The following PDS5B variants were observed in gnomAD, a reference collection of about 807,000 sequenced individuals.
PDS5B encodes the protein PDS5 cohesin associated factor B, also known as sister chromatid cohesion protein PDS5 homolog B.
PDS5B carries 51 observed loss-of-function variants against 184.1 expected under a neutral mutation model. That is an observed-to-expected ratio of 0.28 (90% CI 0.22 to 0.35). The LOEUF (loss-of-function observed/expected upper bound fraction) is 0.35, where lower values mean the gene tolerates loss of function less well. Ranked by LOEUF, PDS5B falls within the 10% of genes least tolerant of loss-of-function variation. The probability of loss-of-function intolerance (pLI) is 1.00; values close to 1 mark genes in which losing one functional copy is unlikely to be tolerated. For synonymous variants in PDS5B, 566 were observed against 569.2 expected (o/e 0.99, Z 0.08); for missense variants, 1,180 against 1,723.3 (o/e 0.68, Z 5.58).
At chr13:32,741,396 G>A (rs1202069865) in intron 22 of PDS5B, among the ~76,000 whole-genome samples, 4 of 152,118 alleles carry the variant, frequency 2.6e-5, no homozygotes, top group African/African-American at 9.7e-5. Flanking sequence ...ATGGCAAAAG[G>A]CAGTGCTAGT....
At chr13:32,730,558 T>A (rs1400801653) in intron 19 of PDS5B, among the ~76,000 whole-genome samples, 5 of 152,198 alleles carry the variant, frequency 3.3e-5, no homozygotes, top group Admixed American at 2.6e-4. Flanking sequence ...TTTCACGACA[T>A]TGGTTCTTCC....
At chr13:32,619,741 T>C (rs1219044250) in intron 1 of PDS5B, among the ~76,000 whole-genome samples, 1 of 152,220 alleles carries the variant, frequency 6.6e-6, no homozygotes, top group Admixed American at 6.5e-5. Flanking sequence ...ACTGAAACAT[T>C]ACGTGGCCCC....
intron 30 of PDS5B, among the ~76,000 whole-genome samples, chr13:32,761,302 T>C (rs1242093904): frequency 1.3e-5 from 2 of 152,224 alleles, no homozygotes; most frequent in African/African-American, 2.4e-5. Flanking sequence ...ACCACGTACA[T>C]ATATAAACTT....
intron 20 of PDS5B, among the ~76,000 whole-genome samples, chr13:32,733,467 T>C (rs1159469639): frequency 6.6e-6 from 1 of 152,214 alleles, no homozygotes; most frequent in Non-Finnish European, 1.5e-5. Context: ...GTTTATAATA[T>C]GAACAATAGG....
At chr13:32,631,232 T>C (rs1226868764) in intron 1 of PDS5B, among the ~76,000 whole-genome samples, 4 of 149,516 alleles carry the variant, frequency 2.7e-5, no homozygotes, top group South Asian at 2.2e-4. Context: ...TCCTCTCACC[T>C]CAGCCTCCCA....
chr13:32,644,471 A>T (rs144625904), intron 1 of PDS5B, among the ~76,000 whole-genome samples: 2 of 152,296 alleles, frequency 1.3e-5, no homozygotes, highest in African/African-American at 4.8e-5. Context: ...GTTTTTATGT[A>T]TGTAAACATA....
chr13:32,773,306 G>A lies in PDS5B; in HGVS notation c.4290G>A (p.Glu1430=), dbSNP rs367923749. The part of the protein sequence containing the change: ...DDIPQEETEE[E]EVSTVNVRRR... Reference sequence around the variant, plus strand: ...TTCCACAGGAAGAAACAGAGGAGGAGGAAGTTTCTACAGTAAATGTATGTG... The same window carrying A: ...TTCCACAGGAAGAAACAGAGGAGGAAGAAGTTTCTACAGTAAATGTATGTG... Residue 1430 remains glutamate, a synonymous_variant, in exon 34 of 35, where the codon GAG becomes GAA. Coordinates refer to ENST00000315596, the MANE Select transcript of PDS5B (RefSeq NM_015032.4). 1.9e-5 allele frequency: 31 copies of A among 1,612,176 alleles called. No homozygotes were observed. The African/African-American group carries it at 3.6e-4, about 19-fold the overall frequency.
chr13:32,609,409 T>C (rs941403488), intron 1 of PDS5B, among the ~76,000 whole-genome samples: 2 of 152,230 alleles, frequency 1.3e-5, no homozygotes, highest in Admixed American at 1.3e-4. Flanking sequence ...CATCAAGTTA[T>C]GTGCTTGTAG....
intron 1 of PDS5B, among the ~76,000 whole-genome samples, chr13:32,593,872 G>A (rs1172598828): frequency 1.3e-5 from 2 of 152,110 alleles, no homozygotes; most frequent in African/African-American, 2.4e-5. Context: ...GAGGAGGCAG[G>A]AGAGGGAGGC....
At chr13:32,588,052 A>G (rs1412250760) in intron 1 of PDS5B, among the ~76,000 whole-genome samples, 3 of 152,214 alleles carry the variant, frequency 2.0e-5, no homozygotes, top group African/African-American at 7.2e-5. Context: ...AACGTTTTTT[A>G]TATTAACTCA....
At position 32,759,657 on chromosome 13, in the gene PDS5B, T is replaced by A; in HGVS notation, c.3339T>A (p.Pro1113=). ...TCAGTAACACCAAAAATTATCTGCC[T>A]CCTGAAATGAAATCATTTTTCACTC... ...KNFSNTKNYL[P]PEMKSFFTPG... Residue 1113 remains proline (P), a synonymous_variant, in exon 29 of 35, where the codon CCT becomes CCA. Transcript: ENST00000315596. The A allele has an allele frequency of 1.3e-6, 2 of 1,565,914 alleles. No homozygotes were observed. The highest frequency in any genetic ancestry group is 1.7e-6 in the Non-Finnish European group (2 of 1,145,926).
At chr13:32,620,006 C>G (rs1453299738) in intron 1 of PDS5B, among the ~76,000 whole-genome samples, 1 of 152,022 alleles carries the variant, frequency 6.6e-6, no homozygotes, top group African/African-American at 2.4e-5. Context: ...ACTATGTTGG[C>G]CAGGCTGGTT....
intron 24 of PDS5B, among the ~76,000 whole-genome samples, chr13:32,748,265 C>T (rs1301224709): frequency 6.6e-6 from 1 of 152,120 alleles, no homozygotes; most frequent in Non-Finnish European, 1.5e-5. Flanking sequence ...ACTCTCTTAT[C>T]CTGTCTTCTC....
At chr13:32,682,271 A>G (rs1028459614) in intron 10 of PDS5B, among the ~76,000 whole-genome samples, 5 of 152,162 alleles carry the variant, frequency 3.3e-5, no homozygotes, top group Non-Finnish European at 7.4e-5. Flanking sequence ...CATGATGCCA[A>G]AAAGTCCCCC....
chr13:32,661,019 A>G (rs2140708242), intron 6 of PDS5B, among the ~76,000 whole-genome samples: 1 of 152,326 alleles, frequency 6.6e-6, no homozygotes, highest in African/African-American at 2.4e-5. Flanking sequence ...TCTTGAAAGG[A>G]GTAATGATAA....
chr13:32,746,121 A>G (rs1421896310), intron 24 of PDS5B, 21 bp downstream of exon 24: 15 of 1,598,298 alleles, frequency 9.4e-6, no homozygotes, highest in African/African-American at 2.7e-5. Context: ...GGCTGTGTAC[A>G]ACTACTTTTT....
At chr13:32,669,508 T>C (rs1033748750) in intron 7 of PDS5B, among the ~76,000 whole-genome samples, 1 of 152,178 alleles carries the variant, frequency 6.6e-6, no homozygotes, top group Non-Finnish European at 1.5e-5. Flanking sequence ...TTTTGTATGT[T>C]TGAAAATGTT....
rs1364704585 is a variant in PDS5B at position 32,760,589 on chromosome 13, T to C, written c.3387T>C (p.Asn1129=). 6.2e-7 allele frequency: 1 copy of C among 1,613,470 alleles called. No individual in the cohort carries two copies. The highest frequency in any genetic ancestry group is 2.2e-5 in the East Asian group (1 of 44,838). Reference sequence around the variant, plus strand: ...TCTCATTTCAGCCTAAAACAACCAATGTTCTAGGAGCTGTTAACAAGCCAC... The same window carrying C: ...TCTCATTTCAGCCTAAAACAACCAACGTTCTAGGAGCTGTTAACAAGCCAC... The part of the protein sequence containing the change: ...FFTPGKPKTT[N]VLGAVNKPLS... The change falls in exon 30 of 35, where the codon AAT becomes AAC. Residue 1129 remains asparagine (N), a synonymous_variant. Coordinates refer to ENST00000315596, the MANE Select transcript of PDS5B (RefSeq NM_015032.4).
At chr13:32,613,657 T>C (rs1444005555) in intron 1 of PDS5B, among the ~76,000 whole-genome samples, 1 of 152,264 alleles carries the variant, frequency 6.6e-6, no homozygotes, top group Non-Finnish European at 1.5e-5. Flanking sequence ...ATATATGATG[T>C]GTATGAATGT....
Sources: allele counts gnomAD v4.1 joint callset (sites outside exome capture counted in the v4.1 genomes callset), GRCh38; gene constraint gnomAD v4.1.1; transcripts MANE v1.5; gene names NCBI Gene and HGNC (gene_info 2026-07-23, HGNC 2026-07-21).